Variants in ADCY8 observed in about 807,000 individuals in gnomAD.
The protein encoded by ADCY8 is adenylate cyclase 8.
Under a neutral mutation model 119.7 loss-of-function variants are expected in ADCY8, and 51 were observed. The ratio of observed to expected loss-of-function variants is 0.43; its 90% CI spans 0.34 to 0.54. The LOEUF (loss-of-function observed/expected upper bound fraction) is 0.54. Among genes scored for constraint, ADCY8 ranks in the 20% least tolerant of loss-of-function variants. The pLI is 0.03. For synonymous variants in ADCY8, 665 were observed against 651.0 expected, an observed-to-expected ratio of 1.02 and a Z score of -0.33; for missense variants, 1,383 against 1,598.8, an observed-to-expected ratio of 0.87 and a Z score of 2.30.
rs10572208 is a variant in ADCY8, at chr8:130,926,940, C to CATATAT, written c.1481+10127_1481+10132dup. Among the ~76,000 whole-genome samples the CATATAT allele has an allele frequency of 4.7e-3, 679 of 145,092 alleles. 12 individuals carry two copies. Among genetic ancestry groups the CATATAT allele is most frequent in the Middle Eastern group, 0.018 (5 of 284 alleles). On this transcript the variant is annotated intron_variant, in intron 5 of 17. Coordinates refer to ENST00000286355, the MANE Select transcript of ADCY8 (RefSeq NM_001115.3). ...TTTATGGTGTAATAGTATTCCATTA[C>CATATAT]ATATATATATATATATATATACACA...
chr8:130,858,411 T>C (rs1267344983), intron 9 of ADCY8, among the ~76,000 whole-genome samples: 1 of 152,340 alleles, frequency 6.6e-6, no homozygotes, highest in South Asian at 2.1e-4. Flanking sequence ...TGAGGTGTTT[T>C]GTAGACTGTC....
At chr8:130,983,671 C>A (rs1222226965) in intron 2 of ADCY8, among the ~76,000 whole-genome samples, 1 of 152,058 alleles carries the variant, frequency 6.6e-6, no homozygotes, top group Non-Finnish European at 1.5e-5. Flanking sequence ...GTTCTATGGG[C>A]AGTAGCAATC....
chr8:130,880,096 A>C (rs1586523302), intron 8 of ADCY8, among the ~76,000 whole-genome samples: 1 of 151,988 alleles, frequency 6.6e-6, no homozygotes, highest in Non-Finnish European at 1.5e-5. Flanking sequence ...CTCCTCCTTC[A>C]CCTTCTGCCA....
intron 2 of ADCY8, among the ~76,000 whole-genome samples, chr8:130,962,517 C>G (rs1234660500): frequency 1.3e-5 from 2 of 152,280 alleles, no homozygotes; most frequent in East Asian, 1.9e-4. Flanking sequence ...TGGCTCCTGT[C>G]TGGATTCCCC....
intron 11 of ADCY8, among the ~76,000 whole-genome samples, chr8:130,843,001 G>A (rs909530387): frequency 6.6e-5 from 10 of 151,454 alleles, no homozygotes; most frequent in African/African-American, 2.4e-4. Flanking sequence ...ATCTTTGATT[G>A]GGTGCCAGAC....
rs561272110 is a variant in ADCY8 at position 130,979,522 on chromosome 8, G to A, written c.1110+10871C>T. On this transcript the variant is annotated intron_variant, in intron 2 of 17. Coordinates refer to ENST00000286355, the MANE Select transcript of ADCY8 (RefSeq NM_001115.3). ...TAAAGGAGCGTGCCCATGTGGAAGG[G>A]AGGGCTAGGGCCCTCCCAGTGGAGA... Among the ~76,000 whole-genome samples, 4 of 152,318 alleles carry A rather than the reference G, an allele frequency of 2.6e-5. No homozygotes were observed. The South Asian group carries it at 8.3e-4, about 32-fold the overall frequency.
At chr8:130,922,741 G>C (rs1402986565) in intron 5 of ADCY8, among the ~76,000 whole-genome samples, 1 of 152,168 alleles carries the variant, frequency 6.6e-6, no homozygotes, top group South Asian at 2.1e-4. Context: ...CGCAGACGGG[G>C]TGGTGGCCGG....
At chr8:130,808,160 A>G (rs1011462617) in intron 14 of ADCY8, among the ~76,000 whole-genome samples, 3 of 152,002 alleles carry the variant, frequency 2.0e-5, no homozygotes, top group Non-Finnish European at 4.4e-5. Flanking sequence ...TATGTTATAT[A>G]TTTATTTATT....
At chr8:131,031,514 G>T (rs912619248) in intron 1 of ADCY8, among the ~76,000 whole-genome samples, 1 of 152,122 alleles carries the variant, frequency 6.6e-6, no homozygotes, top group Non-Finnish European at 1.5e-5. Context: ...GCTTGAATAT[G>T]CCCCTCATAA....
chr8:130,888,223 G>C (rs1261298720), intron 7 of ADCY8, among the ~76,000 whole-genome samples: 1 of 151,142 alleles, frequency 6.6e-6, no homozygotes, highest in Non-Finnish European at 1.5e-5. Flanking sequence ...ATATATAATA[G>C]AATACATATA....
At chr8:130,842,742 C>T (rs1817184105) in intron 11 of ADCY8, among the ~76,000 whole-genome samples, 1 of 151,918 alleles carries the variant, frequency 6.6e-6, no homozygotes, top group Non-Finnish European at 1.5e-5. Context: ...TGTGTTGGTG[C>T]ATGCCTGTAG....
rs28485214 is a variant in ADCY8, at chr8:130,918,962, C to T, written c.1482-9096G>A. On this transcript the variant is annotated intron_variant, in intron 5 of 17. Coordinates refer to ENST00000286355, the MANE Select transcript of ADCY8 (RefSeq NM_001115.3). ...TGTAGTCCCAGCTTCTCAGGAGTAG[C>T]TGAGGCAGGAGAATCCCTTGAACCC... Among the ~76,000 whole-genome samples the T allele has an allele frequency of 3.4e-3, 524 of 152,306 alleles. 2 individuals are homozygous for T. Among genetic ancestry groups the T allele is most frequent in the African/African-American group, 0.012 (511 of 41,560 alleles).
In ADCY8 at chr8:130,972,518, A is replaced by T. The variant is rs144748655; in HGVS notation, c.1110+17875T>A. On this transcript the variant is annotated intron_variant, in intron 2 of 17. Transcript: ENST00000286355. ...ATAATAAAGCCAGAAATAGGACAAC[A>T]TTTAAAAAACTTAAAAAGACCCAAA... Among the ~76,000 whole-genome samples the T allele has an allele frequency of 3.4e-4, 52 of 152,338 alleles. 1 individual carries two copies. The East Asian group carries it at 8.3e-3, about 24-fold the overall frequency.
rs1226593922 is a variant in ADCY8, at chr8:130,789,523, C to T, written c.3061-4048G>A. Among the ~76,000 whole-genome samples the T allele has an allele frequency of 2.6e-5, 4 of 151,202 alleles. No homozygotes were observed. In the East Asian group the frequency reaches 7.8e-4, roughly 29 times the overall value. ...GATGCACTGATAATTGTTAATATTCCTTGGAAACACTAGGTGATATTTGGA... is the reference window on the plus strand; with the variant it reads ...GATGCACTGATAATTGTTAATATTCTTTGGAAACACTAGGTGATATTTGGA... On this transcript the variant is annotated intron_variant, in intron 15 of 17. Coordinates refer to ENST00000286355, the MANE Select transcript of ADCY8 (RefSeq NM_001115.3).
intron 5 of ADCY8, among the ~76,000 whole-genome samples, chr8:130,917,540 A>G (rs1820165521): frequency 2.6e-5 from 4 of 152,176 alleles, no homozygotes; most frequent in Non-Finnish European, 5.9e-5. Flanking sequence ...AGTGAGAGCA[A>G]TGGTGTTCTT....
intron 12 of ADCY8, among the ~76,000 whole-genome samples, chr8:130,825,915 G>A (rs1297008496): frequency 6.6e-6 from 1 of 152,216 alleles, no homozygotes; most frequent in Non-Finnish European, 1.5e-5. Context: ...ACACTAAAGA[G>A]ACTCAGCTGC....
intron 5 of ADCY8, among the ~76,000 whole-genome samples, chr8:130,931,978 T>G (rs1820642789): frequency 6.6e-6 from 1 of 152,192 alleles, no homozygotes; most frequent in African/African-American, 2.4e-5. Context: ...TTTTATCTCT[T>G]AGTGATGTCA....
At chr8:130,930,529 G>C (rs563121025) in intron 5 of ADCY8, among the ~76,000 whole-genome samples, 1 of 152,190 alleles carries the variant, frequency 6.6e-6, no homozygotes, top group East Asian at 1.9e-4. Flanking sequence ...GGGATTACAG[G>C]TGTGAGCCAC....
At chr8:130,837,700 A>AC (rs1455057265) in intron 11 of ADCY8, among the ~76,000 whole-genome samples, 8 of 152,198 alleles carry the variant, frequency 5.3e-5, no homozygotes, top group African/African-American at 1.9e-4. Flanking sequence ...TCAGACTCTG[A>AC]CTATCAGGAA....
Sources: gnomAD v4.1 joint callset for allele counts (sites outside exome capture counted in the v4.1 genomes callset) on GRCh38, gnomAD v4.1.1 for gene constraint, MANE v1.5 for transcripts, NCBI Gene and HGNC (gene_info 2026-07-23, HGNC 2026-07-21) for gene names.